The following GPRC6A variants were observed in gnomAD, a reference collection of about 807,000 sequenced individuals.
The protein encoded by GPRC6A is G protein-coupled receptor class C group 6 member A, also known as G protein-coupled receptor family C group 6 member A.
Under a neutral mutation model 47.0 loss-of-function variants are expected in GPRC6A, and 54 were observed. The observed-to-expected ratio is 1.15, with a 90% CI of 0.92 to 1.44. GPRC6A has a LOEUF of 1.44. Among genes scored for constraint, GPRC6A ranks in the 40% most tolerant of loss-of-function variants. The probability of loss-of-function intolerance (pLI) is 0.00; values close to 1 mark genes in which losing one functional copy is unlikely to be tolerated. For synonymous variants in GPRC6A, 347 were observed against 377.1 expected, an observed-to-expected ratio of 0.92 and a Z score of 0.93; for missense variants, 1,112 against 1,105.5, an observed-to-expected ratio of 1.01 and a Z score of -0.08.
chr6:116,808,068 A>G (rs1254572796), intron 2 of GPRC6A, among the ~76,000 whole-genome samples: 1 of 151,986 alleles, frequency 6.6e-6, no homozygotes, highest in Non-Finnish European at 1.5e-5. Flanking sequence ...GGAACCAGAT[A>G]AACTGTTAGA....
intron 4 of GPRC6A, 142 bp from the exon 5 acceptor site, chr6:116,795,977 A>T: frequency 1.8e-6 from 1 of 554,418 alleles, no homozygotes; most frequent in Admixed American, 3.2e-5. Flanking sequence ...TCTTTTTGCC[A>T]TCGTGGGAAA....
intron 1 of GPRC6A, among the ~76,000 whole-genome samples, chr6:116,810,528 C>T (rs567112123): frequency 6.6e-6 from 1 of 151,848 alleles, no homozygotes; most frequent in East Asian, 1.9e-4. Context: ...GCCAGATACT[C>T]TTCTCCCCTC....
intron 1 of GPRC6A, among the ~76,000 whole-genome samples, chr6:116,818,994 A>C (rs545741789): frequency 7.9e-4 from 120 of 152,300 alleles, no homozygotes; most frequent in African/African-American, 2.8e-3. Flanking sequence ...ATAGGCTCAA[A>C]ATAAAAGGAT....
At position 116,809,541 on chromosome 6, in the gene GPRC6A, G is replaced by A. The variant is rs2274911; in HGVS notation, c.271C>T (p.Pro91Ser). The A allele has an allele frequency of 0.73, 1,173,817 of 1,611,776 alleles. 429,790 individuals carry two copies. The highest frequency in any genetic ancestry group is 0.82 in the Middle Eastern group (4,941 of 6,060). The stretch of plus-strand genomic sequence containing the variant: ...ATTTCATACCCCAGTTTGACTCCAG[G>A]TAAGAGTGTTGAATTGTTGATCATC... ...IEMINNSTLL[P>S]GVKLGYEIYD... Residue 91 changes from proline to serine, a missense_variant, in exon 2 of 6, where the codon CCT becomes TCT. Coordinates refer to ENST00000310357, the MANE Select transcript of GPRC6A (RefSeq NM_148963.4).
At chr6:116,823,144 A>G (rs778220113) in intron 1 of GPRC6A, among the ~76,000 whole-genome samples, 4 of 151,684 alleles carry the variant, frequency 2.6e-5, no homozygotes, top group Non-Finnish European at 5.9e-5. Context: ...TGGGCTGCAA[A>G]TTTTCCAAAC....
chr6:116,803,183 C>T (rs1048995908), intron 3 of GPRC6A, among the ~76,000 whole-genome samples: 1 of 152,046 alleles, frequency 6.6e-6, no homozygotes, highest in African/African-American at 2.4e-5. Flanking sequence ...CATTTACATC[C>T]AATTGATCTC....
intron 4 of GPRC6A, among the ~76,000 whole-genome samples, chr6:116,799,267 G>A (rs527324433): frequency 1.3e-5 from 2 of 152,264 alleles, no homozygotes; most frequent in South Asian, 4.1e-4. Context: ...ATAGTCATCA[G>A]ACTCCCATAT....
rs1055117846 is a variant in GPRC6A, at chr6:116,823,745, A to G, written c.194+5075T>C. Reference sequence around the variant, plus strand: ...ATTGGCTCATGGATCTCTTGGCTGTACAGGAAGCATGATGCTAACATCTGC... The same window carrying G: ...ATTGGCTCATGGATCTCTTGGCTGTGCAGGAAGCATGATGCTAACATCTGC... On this transcript the variant is annotated intron_variant, in intron 1 of 5. Coordinates refer to ENST00000310357, the MANE Select transcript of GPRC6A (RefSeq NM_148963.4). Among the ~76,000 whole-genome samples, 9 of 152,264 alleles carry G rather than the reference A, an allele frequency of 5.9e-5. 1 individual carries two copies. The East Asian group carries it at 1.2e-3, about 20-fold the overall frequency.
In GPRC6A at chr6:116,809,570, A is replaced by T. The variant is rs781269079; in HGVS notation, c.242T>A (p.Ile81Asn). 6.2e-7 allele frequency: 1 copy of T among 1,612,506 alleles called. No homozygotes were observed. The highest frequency in any genetic ancestry group is 8.5e-7 in the Non-Finnish European group (1 of 1,178,736). The change falls in exon 2 of 6, where the codon ATT becomes AAT. Residue 81 changes from isoleucine to asparagine, a missense_variant. Ile to Asn is a moderately radical substitution (Grantham distance 149). Transcript: ENST00000310357. Reference sequence around the variant, plus strand: ...GAGTGTTGAATTGTTGATCATCTCAATGCTGTGTATCATGGCAAGAGTTTG... The same window carrying T: ...GAGTGTTGAATTGTTGATCATCTCATTGCTGTGTATCATGGCAAGAGTTTG... ...FLQTLAMIHSIEMINNSTLLP... is the reference protein window; with the variant it reads ...FLQTLAMIHSNEMINNSTLLP...
intron 1 of GPRC6A, among the ~76,000 whole-genome samples, chr6:116,821,126 A>G (rs1316120502): frequency 6.6e-6 from 1 of 151,466 alleles, no homozygotes; most frequent in African/African-American, 2.4e-5. Flanking sequence ...CAAAGAGAAT[A>G]AAATACCTAG....
At chr6:116,794,048 A>C (rs942789148) in intron 5 of GPRC6A, among the ~76,000 whole-genome samples, 4 of 152,182 alleles carry the variant, frequency 2.6e-5, no homozygotes, top group African/African-American at 9.7e-5. Flanking sequence ...GGCAGCACAA[A>C]TACTTGATTT....
At chr6:116,793,393 A>C (rs111438457) in intron 5 of GPRC6A, 143 bp from the exon 6 acceptor site, 9 of 527,166 alleles carry the variant, frequency 1.7e-5, no homozygotes, top group African/African-American at 1.4e-4. Context: ...ACTTATTAAA[A>C]TAAAACATGC....
At chr6:116,807,641 C>T (rs1772897611) in intron 2 of GPRC6A, among the ~76,000 whole-genome samples, 1 of 152,146 alleles carries the variant, frequency 6.6e-6, no homozygotes, top group South Asian at 2.1e-4. Flanking sequence ...GTCAAATAAT[C>T]ATCTTGTCCA....
chr6:116,796,053 C>T (rs1772477385), intron 4 of GPRC6A, among the ~76,000 whole-genome samples: 1 of 152,142 alleles, frequency 6.6e-6, no homozygotes, highest in East Asian at 1.9e-4. Flanking sequence ...GCATTAATAA[C>T]TTCTGTAAGC....
chr6:116,802,730 A>G (rs1232368100), intron 3 of GPRC6A, among the ~76,000 whole-genome samples: 1 of 152,078 alleles, frequency 6.6e-6, no homozygotes, highest in Non-Finnish European at 1.5e-5. Context: ...GTGAATCACC[A>G]CGGGACAGGT....
At chr6:116,811,768 C>T (rs1773031648) in intron 1 of GPRC6A, among the ~76,000 whole-genome samples, 1 of 151,796 alleles carries the variant, frequency 6.6e-6, no homozygotes, top group African/African-American at 2.4e-5. Context: ...GACAAAAGAA[C>T]CTCTGAACCT....
intron 5 of GPRC6A, among the ~76,000 whole-genome samples, chr6:116,795,129 T>C (rs1307240375): frequency 6.6e-6 from 1 of 152,168 alleles, no homozygotes; most frequent in Non-Finnish European, 1.5e-5. Context: ...GTATTTTGCT[T>C]TCATTTTGTG....
intron 1 of GPRC6A, among the ~76,000 whole-genome samples, chr6:116,820,345 C>G (rs1407475293): frequency 1.3e-5 from 2 of 152,064 alleles, no homozygotes; most frequent in Admixed American, 1.3e-4. Context: ...GGAATCCTCC[C>G]TAACTCATTT....
intron 1 of GPRC6A, among the ~76,000 whole-genome samples, chr6:116,811,040 T>A (rs1360885435): frequency 6.6e-6 from 1 of 152,152 alleles, no homozygotes; most frequent in African/African-American, 2.4e-5. Context: ...TATACTGCCC[T>A]GGGACACAAT....
Sources: allele counts gnomAD v4.1 joint callset (sites outside exome capture counted in the v4.1 genomes callset), GRCh38; gene constraint gnomAD v4.1.1; transcripts MANE v1.5; gene names NCBI Gene and HGNC (gene_info 2026-07-23, HGNC 2026-07-21).